FNBP1L: variants seen among roughly 807,000 people sequenced by gnomAD.
The protein encoded by FNBP1L is formin binding protein 1 like.
Under a neutral mutation model 91.2 loss-of-function variants are expected in FNBP1L, and 36 were observed. That is an observed-to-expected ratio of 0.39 (90% CI 0.30 to 0.52). The LOEUF (loss-of-function observed/expected upper bound fraction) is 0.52, where lower values mean the gene tolerates loss of function less well. FNBP1L is among the 20% of genes least tolerant of loss of function. The pLI is 0.66. For synonymous variants in FNBP1L, 242 were observed against 237.0 expected, an observed-to-expected ratio of 1.02 and a Z score of -0.19; for missense variants, 571 against 732.1, an observed-to-expected ratio of 0.78 and a Z score of 2.54.
intron 11 of FNBP1L, 46 bp downstream of exon 11, chr1:93,541,102 T>C: frequency 6.6e-7 from 1 of 1,511,592 alleles, no homozygotes; most frequent in African/African-American, 1.4e-5. Flanking sequence ...CATTAAGTAA[T>C]CTCAAAACAT....
rs199611646 is a variant in FNBP1L, at chr1:93,454,909, TTTTATTTA to T, written c.24+6632_24+6639del. ...ATGTGCATATACTGTGCTGTTTTAT[TTTTATTTA>T]TTTATTTATTTATTTATTTATTTAT... On this transcript the variant is annotated intron_variant, in intron 1 of 16. Transcript: ENST00000271234. Among the ~76,000 whole-genome samples, 992 of 150,926 alleles carry T rather than the reference TTTTATTTA, an allele frequency of 6.6e-3. 21 individuals carry two copies. The highest frequency in any genetic ancestry group is 0.038 in the East Asian group (197 of 5,166).
In FNBP1L at chr1:93,534,093, A is replaced by T. The variant is rs1486748937; in HGVS notation, c.787-612A>T. On this transcript the variant is annotated intron_variant, in intron 8 of 16. Transcript: ENST00000271234. ...AAACAATATTTATGTGAGTTTAAAA[A>T]TTTTAAATACATGGTATTAAACTTT... Among the ~76,000 whole-genome samples the T allele has an allele frequency of 1.6e-4, 25 of 152,292 alleles. 1 individual carries two copies. In the South Asian group the frequency reaches 3.9e-3, roughly 24 times the overall value.
chr1:93,463,192 G>T (rs553580758), intron 1 of FNBP1L, among the ~76,000 whole-genome samples: 12 of 152,238 alleles, frequency 7.9e-5, no homozygotes, highest in Admixed American at 1.3e-4. Flanking sequence ...TTCTGGGACT[G>T]TAAGATATGT....
At chr1:93,494,194 A>G (rs1670190272) in intron 1 of FNBP1L, among the ~76,000 whole-genome samples, 1 of 152,156 alleles carries the variant, frequency 6.6e-6, no homozygotes, top group African/African-American at 2.4e-5. Context: ...GAAACACTTC[A>G]TTTACTATTA....
At chr1:93,519,513 G>GT (rs1195791541) in intron 2 of FNBP1L, among the ~76,000 whole-genome samples, 11 of 152,122 alleles carry the variant, frequency 7.2e-5, no homozygotes, top group African/African-American at 2.7e-4. Context: ...ATTATGTTAT[G>GT]TAAGAGTGTC....
chr1:93,510,391 G>A (rs1248229112), intron 2 of FNBP1L, among the ~76,000 whole-genome samples: 11 of 152,132 alleles, frequency 7.2e-5, no homozygotes, highest in South Asian at 2.1e-4. Context: ...ACCTGCAGCT[G>A]AGGGTCCTGT....
intron 1 of FNBP1L, among the ~76,000 whole-genome samples, chr1:93,475,958 G>A (rs572325062): frequency 3.9e-5 from 6 of 152,116 alleles, no homozygotes; most frequent in East Asian, 3.9e-4. Flanking sequence ...TTTGTTACCC[G>A]ACTCAATTTT....
chr1:93,510,973 G>A (rs528012190), intron 2 of FNBP1L, among the ~76,000 whole-genome samples: 4,195 of 152,206 alleles, frequency 0.028, 191 homozygotes, highest in African/African-American at 0.096. Context: ...CCAAATCTAT[G>A]TCTGATTGGT....
At chr1:93,542,710 T>C (rs1170306523) in intron 11 of FNBP1L, among the ~76,000 whole-genome samples, 1 of 151,864 alleles carries the variant, frequency 6.6e-6, no homozygotes, top group African/African-American at 2.4e-5. Flanking sequence ...CGTATTTGTT[T>C]TGAGAGCTCC....
Position 93,552,584 on chromosome 1 carries a change from T to A in FNBP1L, c.*168T>A. On this transcript the variant is annotated 3_prime_UTR_variant, in exon 17 of 17. Transcript: ENST00000271234. ...TAACTTCATTAGCATTTCCATACAT[T>A]GTTTTTAAAAATCATAATACCAACC... 1.7e-6 allele frequency: 1 copy of A among 588,122 alleles called. No homozygotes were observed. Among genetic ancestry groups the A allele is most frequent in the Non-Finnish European group, 2.8e-6 (1 of 355,024 alleles). The allele number at this position is 588,122 out of a possible 1,614,324, so 36.4% of individuals were successfully genotyped here. A position where few individuals can be genotyped will look rare whatever the true frequency, so the allele number is the denominator to read the frequency against.
At chr1:93,510,507 A>G (rs1001718020) in intron 2 of FNBP1L, among the ~76,000 whole-genome samples, 3 of 152,172 alleles carry the variant, frequency 2.0e-5, no homozygotes, top group African/African-American at 7.2e-5. Context: ...AAAGATGGGG[A>G]AAAAACAGAG....
intron 2 of FNBP1L, among the ~76,000 whole-genome samples, chr1:93,518,770 G>A (rs991069683): frequency 2.0e-5 from 3 of 152,122 alleles, no homozygotes; most frequent in Non-Finnish European, 2.9e-5. Context: ...TGTTCTTTTA[G>A]TGTATTTACA....
At chr1:93,510,072 C>T (rs1245564223) in intron 2 of FNBP1L, among the ~76,000 whole-genome samples, 2 of 152,202 alleles carry the variant, frequency 1.3e-5, no homozygotes, top group African/African-American at 2.4e-5. Flanking sequence ...CTTAGGTAAA[C>T]AAAGCAGCCA....
At chr1:93,529,884 T>C (rs1382114856) in intron 6 of FNBP1L, 128 bp downstream of exon 6, 1 of 590,166 alleles carries the variant, frequency 1.7e-6, no homozygotes, top group Non-Finnish European at 2.9e-6. Context: ...GTCTAAAATA[T>C]ACAAATATTT....
intron 5 of FNBP1L, among the ~76,000 whole-genome samples, chr1:93,525,139 C>T (rs565895414): frequency 1.2e-4 from 18 of 150,888 alleles, no homozygotes; most frequent in Middle Eastern, 3.4e-3. Flanking sequence ...CTCAAGTTAT[C>T]GAACAGTTTA....
chr1:93,500,071 T>C (rs566407333), intron 2 of FNBP1L, among the ~76,000 whole-genome samples: 1 of 152,300 alleles, frequency 6.6e-6, no homozygotes, highest in East Asian at 1.9e-4. Context: ...GATAAAAGTT[T>C]TAAAGAGAAA....
intron 1 of FNBP1L, among the ~76,000 whole-genome samples, chr1:93,462,650 T>A (rs1175399261): frequency 2.6e-5 from 4 of 152,208 alleles, no homozygotes; most frequent in Non-Finnish European, 5.9e-5. Flanking sequence ...AAATGTCCGA[T>A]GTTTTTTCAT....
Position 93,529,719 on chromosome 1 carries a change from A to T in FNBP1L, c.473A>T (p.Asp158Val). The T allele has an allele frequency of 6.5e-7, 1 of 1,531,404 alleles. No homozygotes were observed. The highest frequency in any genetic ancestry group is 1.4e-5 in the African/African-American group (1 of 71,570). 94.9% of individuals were successfully genotyped at this position (1,531,404 alleles called of 1,614,324 possible). ...GCACAACAGAGTTATGAAAGATTGG[A>T]TAATGATACTAATGCAACCAAGGCA... The part of the protein sequence containing the change: ...EKAQQSYERL[D>V]NDTNATKADV... Residue 158 changes from aspartate to valine, a missense_variant, in exon 6 of 17, where the codon GAT becomes GTT. Physicochemically the swap from Asp to Val is radical, Grantham distance 152. This residue lies in a region of FNBP1L where 220 missense variants were observed against 313.6 expected (regional missense o/e 0.70). Transcript: ENST00000271234.
chr1:93,485,648 G>A (rs1003957926), intron 1 of FNBP1L, among the ~76,000 whole-genome samples: 2 of 152,130 alleles, frequency 1.3e-5, no homozygotes, highest in African/African-American at 4.8e-5. Context: ...TGCATTAAAT[G>A]AATAGTAATA....
Sources: gnomAD v4.1 joint callset for allele counts (sites outside exome capture counted in the v4.1 genomes callset) on GRCh38, gnomAD v4.1.1 for gene constraint, gnomAD v4.1.1 regional missense constraint, MANE v1.5 for transcripts, NCBI Gene and HGNC (gene_info 2026-07-23, HGNC 2026-07-21) for gene names.